Variants in HDAC4 observed in about 807,000 individuals in gnomAD.
HDAC4 encodes histone deacetylase A.
HDAC4 carries 16 observed loss-of-function variants against 135.1 expected under a neutral mutation model. The observed-to-expected ratio is 0.12, with a 90% CI of 0.08 to 0.18. The LOEUF is 0.18. Ranked by LOEUF, HDAC4 falls within the 10% of genes least tolerant of loss-of-function variation. The pLI, the probability that HDAC4 is intolerant of heterozygous loss-of-function variation, is 1.00. For missense variants in HDAC4, 1,143 were observed against 1,511.8 expected (o/e 0.76, Z 4.05); for synonymous variants, 685 against 653.4 (o/e 1.05, Z -0.74).
Position 239,352,575 on chromosome 2 carries a change from A to G in HDAC4, c.22+103T>C. The G allele has an allele frequency of 8.6e-7, 1 of 1,166,566 alleles. No individual in the cohort carries two copies. The highest frequency in any genetic ancestry group is 1.3e-5 in the South Asian group (1 of 76,344). The allele number at this position is 1,166,566 out of a possible 1,614,324, so 72.3% of individuals were successfully genotyped here. On this transcript the variant is annotated intron_variant, in intron 2 of 26. Transcript: ENST00000543185. The surrounding 1 kb of genome is among the most constrained non-coding windows in gnomAD (Gnocchi z 4.4). ...CCAACAGTGACCACTATCAAGAAAA[A>G]CAAAAGTCTCAAATCCAGAAAGCAA...
chr2:239,235,954 C>T (rs1000390632), intron 3 of HDAC4, among the ~76,000 whole-genome samples: 1 of 152,156 alleles, frequency 6.6e-6, no homozygotes, highest in Non-Finnish European at 1.5e-5. Context: ...GCAGGAGAAT[C>T]GCTTGAACCC....
In HDAC4 at chr2:239,400,200, C is replaced by A. The variant is rs1398509088; in HGVS notation, c.-220+778G>T. On this transcript the variant is annotated intron_variant, in intron 1 of 26. Coordinates refer to ENST00000543185, the MANE Select transcript of HDAC4 (RefSeq NM_001378414.1). The surrounding 1 kb of genome is among the most constrained non-coding windows in gnomAD (Gnocchi z 4.7). The stretch of plus-strand genomic sequence containing the variant: ...GCCGAGCGGGTCCCGGGCAGCCCCC[C>A]GCCCTCCCGCGACCCCCCGGGCGCT... Among the ~76,000 whole-genome samples, 1 of 151,788 alleles carries A rather than the reference C, an allele frequency of 6.6e-6. No individual in the cohort carries two copies. Among genetic ancestry groups the A allele is most frequent in the African/African-American group, 2.4e-5 (1 of 41,408 alleles).
intron 2 of HDAC4, among the ~76,000 whole-genome samples, chr2:239,256,127 T>C (rs1575539168): frequency 1.3e-5 from 2 of 152,348 alleles, no homozygotes; most frequent in East Asian, 3.9e-4. Context: ...GCATCTCAAG[T>C]GTGTTCCAGC....
chr2:239,075,985 G>A (rs376968007), intron 22 of HDAC4, among the ~76,000 whole-genome samples: 1 of 150,080 alleles, frequency 6.7e-6, no homozygotes, highest in African/African-American at 2.5e-5. Context: ...CTGGGAAACA[G>A]AGCTGGGCTG....
chr2:239,206,394 GCACACA>G (rs5839729), intron 3 of HDAC4, among the ~76,000 whole-genome samples: 2 of 148,764 alleles, frequency 1.3e-5, no homozygotes, highest in African/African-American at 2.5e-5. Context: ...ACACATACGT[GCACACA>G]CACACACACA....
intron 1 of HDAC4, among the ~76,000 whole-genome samples, chr2:239,386,712 G>A (rs947141486): frequency 4.6e-5 from 7 of 152,222 alleles, no homozygotes; most frequent in African/African-American, 1.7e-4. Flanking sequence ...CGACCTAGAG[G>A]AGCAAGAGCC....
At chr2:239,202,533 C>T (rs963913300) in intron 3 of HDAC4, among the ~76,000 whole-genome samples, 6 of 152,082 alleles carry the variant, frequency 3.9e-5, no homozygotes, top group African/African-American at 7.2e-5. Context: ...GCAGGGCAAC[C>T]GGAGCTCTGG....
At chr2:239,376,007 A>C (rs13013650) in intron 1 of HDAC4, among the ~76,000 whole-genome samples, 4 of 152,068 alleles carry the variant, frequency 2.6e-5, no homozygotes, top group Admixed American at 6.5e-5. Context: ...CTCTGCTTCA[A>C]TGTGTCCTTT....
chr2:239,149,855 G>T (rs555765364), intron 7 of HDAC4, among the ~76,000 whole-genome samples: 1 of 152,286 alleles, frequency 6.6e-6, no homozygotes, highest in African/African-American at 2.4e-5. Context: ...GCCTGCTCGT[G>T]GAGGGGGTGG....
At chr2:239,117,812 C>T (rs1049441623) in intron 12 of HDAC4, among the ~76,000 whole-genome samples, 37 of 152,128 alleles carry the variant, frequency 2.4e-4, no homozygotes, top group African/African-American at 8.7e-4. Flanking sequence ...AGCCGAGTTC[C>T]TGGCAGAGAG....
chr2:239,256,481 C>T (rs2049059108), intron 2 of HDAC4, among the ~76,000 whole-genome samples: 1 of 152,248 alleles, frequency 6.6e-6, no homozygotes, highest in Non-Finnish European at 1.5e-5. Flanking sequence ...AGCGCCGAGG[C>T]GGGTTCCAGC....
Position 239,146,090 on chromosome 2 carries a change from T to C in HDAC4, c.734-1376A>G, listed in dbSNP as rs1255044780. Among the ~76,000 whole-genome samples the C allele has an allele frequency of 6.6e-6, 1 of 152,116 alleles. No homozygotes were observed. The highest frequency in any genetic ancestry group is 1.5e-5 in the Non-Finnish European group (1 of 68,014). On this transcript the variant is annotated intron_variant, in intron 7 of 26. Coordinates refer to ENST00000543185, the MANE Select transcript of HDAC4 (RefSeq NM_001378414.1). The surrounding 1 kb of genome is among the most constrained non-coding windows in gnomAD (Gnocchi z 4.5). ...GACCTGGATGACGACAGATGACGGA[T>C]TCAGCCACAAGCCGGCCTCTCCACG...
chr2:239,387,625 T>C (rs371301729), intron 1 of HDAC4, among the ~76,000 whole-genome samples: 1 of 152,196 alleles, frequency 6.6e-6, no homozygotes, highest in Non-Finnish European at 1.5e-5. Flanking sequence ...ATACGCTTTA[T>C]ACCCAAAACA....
chr2:239,079,703 C>T (rs2035109506), intron 22 of HDAC4, among the ~76,000 whole-genome samples: 1 of 152,168 alleles, frequency 6.6e-6, no homozygotes, highest in Non-Finnish European at 1.5e-5. Context: ...CATGTGCATG[C>T]AAAGACACAC....
At chr2:239,117,501 T>C (rs1421640046) in intron 12 of HDAC4, among the ~76,000 whole-genome samples, 1 of 139,178 alleles carries the variant, frequency 7.2e-6, no homozygotes, top group African/African-American at 2.7e-5. Context: ...AGAAAAGGGA[T>C]GAATGTGAGC....
At chr2:239,094,962 G>A (rs1327699959) in intron 17 of HDAC4, 48 bp downstream of exon 17, 1 of 1,613,238 alleles carries the variant, frequency 6.2e-7, no homozygotes, top group Non-Finnish European at 8.5e-7. Context: ...TGACCACTGG[G>A]ACTCGAGAAG....
Position 239,134,632 on chromosome 2 carries a change from C to A in HDAC4, c.990G>T (p.Ala330=). 6.2e-7 allele frequency: 1 copy of A among 1,613,496 alleles called. No homozygotes were observed. The highest frequency in any genetic ancestry group is 1.3e-5 in the African/African-American group (1 of 75,014). ...AGCCTTCTCGTGCCACAAGTCTGTG[C>A]GCCAAACTCGTCTGGGGACAGAACA... is the stretch of plus-strand genomic sequence containing the variant. ...VPSIPAETSL[A]HRLVAREGSA... The change falls in exon 10 of 27, where the codon GCG becomes GCT. Residue 330 remains alanine, a synonymous_variant. Coordinates refer to ENST00000543185, the MANE Select transcript of HDAC4 (RefSeq NM_001378414.1).
At chr2:239,087,654 G>A in intron 18 of HDAC4, 40 bp from the exon 19 acceptor site, 1 of 1,592,466 alleles carries the variant, frequency 6.3e-7, no homozygotes, top group East Asian at 2.2e-5. Flanking sequence ...AGCAACAAAA[G>A]ACACACTTTG....
intron 6 of HDAC4, among the ~76,000 whole-genome samples, chr2:239,158,395 A>G (rs1396929817): frequency 6.6e-6 from 1 of 152,208 alleles, no homozygotes; most frequent in African/African-American, 2.4e-5. Flanking sequence ...AATTTAAATA[A>G]ATGGAATAAA....
Sources: gnomAD v4.1 joint callset for allele counts (sites outside exome capture counted in the v4.1 genomes callset) on GRCh38, gnomAD v4.1.1 for gene constraint, Gnocchi (gnomAD v3.1) non-coding constraint, MANE v1.5 for transcripts, NCBI Gene and HGNC (gene_info 2026-07-23, HGNC 2026-07-21) for gene names.